CNTN5: variants seen among roughly 807,000 people sequenced by gnomAD.
CNTN5 encodes contactin 5.
Under a neutral mutation model 129.1 loss-of-function variants are expected in CNTN5, and 77 were observed. The observed-to-expected ratio is 0.60, with a 90% CI of 0.50 to 0.72. The LOEUF (loss-of-function observed/expected upper bound fraction) is 0.72, where lower values mean the gene tolerates loss of function less well. Ranked by LOEUF, CNTN5 falls within the 30% of genes least tolerant of loss-of-function variation. The probability of loss-of-function intolerance (pLI) is 0.00; values close to 1 mark genes in which losing one functional copy is unlikely to be tolerated. For missense variants in CNTN5, 1,478 were observed against 1,328.8 expected, an observed-to-expected ratio of 1.11 and a Z score of -1.75; for synonymous variants, 509 against 465.6, an observed-to-expected ratio of 1.09 and a Z score of -1.20.
intron 6 of CNTN5, among the ~76,000 whole-genome samples, chr11:99,853,468 C>T (rs918707943): frequency 6.6e-6 from 1 of 151,956 alleles, no homozygotes; most frequent in Non-Finnish European, 1.5e-5. Flanking sequence ...GGTGCATTCT[C>T]GGCTCACTGC....
At chr11:99,860,046 G>A (rs1948158296) in intron 6 of CNTN5, among the ~76,000 whole-genome samples, 1 of 152,130 alleles carries the variant, frequency 6.6e-6, no homozygotes, top group Non-Finnish European at 1.5e-5. Flanking sequence ...TCTGACTGGT[G>A]TGAGATGGTA....
chr11:99,091,513 G>T (rs1326298194), intron 1 of CNTN5, among the ~76,000 whole-genome samples: 1 of 152,214 alleles, frequency 6.6e-6, no homozygotes, highest in Non-Finnish European at 1.5e-5. Flanking sequence ...GAGAGTTGAG[G>T]AGTGTTACAG....
At chr11:100,341,803 A>G (rs1952168273) in intron 23 of CNTN5, among the ~76,000 whole-genome samples, 2 of 152,210 alleles carry the variant, frequency 1.3e-5, no homozygotes, top group Middle Eastern at 3.4e-3. Flanking sequence ...TATGTGATCT[A>G]TGTATTGAAT....
chr11:99,576,136 G>T (rs1265865107), intron 3 of CNTN5, among the ~76,000 whole-genome samples: 3 of 152,188 alleles, frequency 2.0e-5, no homozygotes, highest in Non-Finnish European at 2.9e-5. Flanking sequence ...CCTACCACAG[G>T]TTCCGAAGCA....
intron 13 of CNTN5, among the ~76,000 whole-genome samples, chr11:100,093,086 A>G (rs1251347938): frequency 6.6e-6 from 1 of 151,978 alleles, no homozygotes; most frequent in Non-Finnish European, 1.5e-5. Context: ...ACCAACTTTG[A>G]GTATTGTCCC....
At chr11:100,121,676 G>A (rs186176431) in intron 13 of CNTN5, among the ~76,000 whole-genome samples, 1 of 152,082 alleles carries the variant, frequency 6.6e-6, no homozygotes, top group East Asian at 1.9e-4. Flanking sequence ...TTCTCCTTCA[G>A]TATTTACCAT....
At chr11:99,135,152 A>G (rs1364788798) in intron 1 of CNTN5, among the ~76,000 whole-genome samples, 1 of 152,242 alleles carries the variant, frequency 6.6e-6, no homozygotes, top group African/African-American at 2.4e-5. Context: ...GCTAATCAGC[A>G]AGAAGTAAGA....
rs1257954959 is a variant in CNTN5 at position 100,357,953 on chromosome 11, G to A, written c.*1733G>A. On this transcript the variant is annotated 3_prime_UTR_variant, in exon 25 of 25. Transcript: ENST00000524871. The stretch of plus-strand genomic sequence containing the variant: ...TGATATTATAGTAAATACTACAGAT[G>A]GTAAGTATTTAAGCCTGTAAGTAAG... 1 of 151,788 alleles carries A rather than the reference G, an allele frequency of 6.6e-6. No individual in the cohort carries two copies. The highest frequency in any genetic ancestry group is 1.5e-5 in the Non-Finnish European group (1 of 67,830). 9.4% of individuals were successfully genotyped at this position (151,788 alleles called of 1,614,324 possible). A position where few individuals can be genotyped will look rare whatever the true frequency, so the allele number is the denominator to read the frequency against.
chr11:99,332,898 G>A (rs1240927166), intron 2 of CNTN5, among the ~76,000 whole-genome samples: 1 of 152,030 alleles, frequency 6.6e-6, no homozygotes, highest in Non-Finnish European at 1.5e-5. Context: ...GTTATTTCAT[G>A]AATGATATAA....
chr11:100,188,007 G>C (rs1445133521), intron 13 of CNTN5, among the ~76,000 whole-genome samples: 1 of 152,138 alleles, frequency 6.6e-6, no homozygotes, highest in East Asian at 1.9e-4. Flanking sequence ...ATACCCTGCA[G>C]AATGGGAGAA....
At chr11:99,357,048 A>G (rs1938724112) in intron 2 of CNTN5, among the ~76,000 whole-genome samples, 2 of 152,220 alleles carry the variant, frequency 1.3e-5, no homozygotes, top group African/African-American at 4.8e-5. Context: ...TTTCTTTAGT[A>G]TAATGTTATG....
chr11:99,623,604 CAA>C (rs1263408034), intron 3 of CNTN5, among the ~76,000 whole-genome samples: 2 of 152,046 alleles, frequency 1.3e-5, no homozygotes, highest in Non-Finnish European at 2.9e-5. Flanking sequence ...TTCTCACCCA[CAA>C]ACCCAGGGTC....
At chr11:99,444,640 C>T (rs949213859) in intron 2 of CNTN5, among the ~76,000 whole-genome samples, 1 of 152,118 alleles carries the variant, frequency 6.6e-6, no homozygotes, top group Admixed American at 6.5e-5. Context: ...ATCATATCAC[C>T]TTAATCTTCT....
At chr11:99,074,542 C>G (rs1047250400) in intron 1 of CNTN5, among the ~76,000 whole-genome samples, 1 of 152,126 alleles carries the variant, frequency 6.6e-6, no homozygotes, top group South Asian at 2.1e-4. Flanking sequence ...CTGGGTCTCT[C>G]TATGTTGCCC....
Position 99,675,013 on chromosome 11 carries a change from GGTTTT to G in CNTN5, c.55+118774_55+118778del, listed in dbSNP as rs141283660. ...TCATTATATTAGGAGGCATTTTTCT[GGTTTT>G]GTTTTGTTTTGTTTTGTTTTGTTTT... On this transcript the variant is annotated intron_variant, in intron 3 of 24. Coordinates refer to ENST00000524871, the MANE Select transcript of CNTN5 (RefSeq NM_014361.4). Among the ~76,000 whole-genome samples, 583 of 149,576 alleles carry G rather than the reference GGTTTT, an allele frequency of 3.9e-3. 2 individuals are homozygous for G. The highest frequency in any genetic ancestry group is 0.012 in the African/African-American group (494 of 40,572).
At chr11:99,971,806 A>G (rs897975988) in intron 8 of CNTN5, among the ~76,000 whole-genome samples, 1 of 151,818 alleles carries the variant, frequency 6.6e-6, no homozygotes, top group Non-Finnish European at 1.5e-5. Flanking sequence ...TTATTTAGCA[A>G]TAAACATTTT....
At chr11:99,841,642 G>GAGGAGAATGAAGGAGA (rs1320509465) in intron 4 of CNTN5, among the ~76,000 whole-genome samples, 2 of 151,538 alleles carry the variant, frequency 1.3e-5, no homozygotes, top group East Asian at 3.9e-4. Context: ...AGAAGAGGAG[G>GAGGAGAATGAAGGAGA]AGGAGAATGA....
chr11:99,485,982 C>A (rs1013026932), intron 2 of CNTN5, among the ~76,000 whole-genome samples: 1 of 152,034 alleles, frequency 6.6e-6, no homozygotes, highest in Non-Finnish European at 1.5e-5. Context: ...AATACGCTTA[C>A]AATTAATATG....
chr11:99,939,451 T>C (rs1434493740), intron 7 of CNTN5, among the ~76,000 whole-genome samples: 2 of 152,074 alleles, frequency 1.3e-5, no homozygotes, highest in East Asian at 1.9e-4. Context: ...ATTCTTCACA[T>C]TATTTGCAAG....
Sources: allele counts gnomAD v4.1 joint callset (sites outside exome capture counted in the v4.1 genomes callset), GRCh38; gene constraint gnomAD v4.1.1; transcripts MANE v1.5; gene names NCBI Gene and HGNC (gene_info 2026-07-23, HGNC 2026-07-21).